The following DYSF variants were observed in gnomAD, a reference collection of about 807,000 sequenced individuals.
DYSF encodes dysferlin, also known as dystrophy-associated fer-1-like 1.
DYSF carries 212 observed loss-of-function variants against 274.9 expected under a neutral mutation model. That is an observed-to-expected ratio of 0.77 (90% CI 0.69 to 0.86). The LOEUF is 0.86. DYSF is among the 40% of genes least tolerant of loss of function. The pLI is 0.00. For missense variants in DYSF, 2,666 were observed against 2,783.2 expected, an observed-to-expected ratio of 0.96 and a Z score of 0.95; for synonymous variants, 1,091 against 1,078.7, an observed-to-expected ratio of 1.01 and a Z score of -0.22.
chr2:71,610,829 C>T (rs1263902687), intron 36 of DYSF: 8 of 298,822 alleles, frequency 2.7e-5, no homozygotes, highest in South Asian at 1.3e-4. Context: ...ACCAGGCTGG[C>T]GGGCAGGCAC....
chr2:71,548,337 A>G (rs560483474), intron 17 of DYSF, among the ~76,000 whole-genome samples: 1 of 152,350 alleles, frequency 6.6e-6, no homozygotes, highest in African/African-American at 2.4e-5. Context: ...CTGCAGTCAC[A>G]GAGCTAGGGG....
chr2:71,662,630 ATGTG>A (rs1181514464), intron 45 of DYSF, among the ~76,000 whole-genome samples: 4 of 65,642 alleles, frequency 6.1e-5, no homozygotes, highest in South Asian at 6.0e-4. Context: ...TCTGTGTGGC[ATGTG>A]TGTATTTTGT....
chr2:71,660,745 T>C, intron 45 of DYSF, 94 bp downstream of exon 45: 1 of 1,099,318 alleles, frequency 9.1e-7, no homozygotes, highest in South Asian at 1.3e-5. Context: ...GTGAAGTCCG[T>C]ATCTCTTGGA....
intron 3 of DYSF, among the ~76,000 whole-genome samples, chr2:71,499,958 C>T (rs929207812): frequency 1.3e-5 from 2 of 152,168 alleles, no homozygotes; most frequent in South Asian, 4.1e-4. Flanking sequence ...CTCCTTGCCT[C>T]ATCTGAGCCT....
chr2:71,500,724 C>T (rs2084895764), intron 3 of DYSF, among the ~76,000 whole-genome samples: 1 of 152,048 alleles, frequency 6.6e-6, no homozygotes, highest in Admixed American at 6.5e-5. Context: ...CCTGAGGGCT[C>T]CTAAGCTGGA....
At chr2:71,613,526 C>T in intron 40 of DYSF, 116 bp downstream of exon 40, 1 of 943,444 alleles carries the variant, frequency 1.1e-6, no homozygotes. Context: ...ACATCCCCTT[C>T]TGGGCTCTGC....
intron 17 of DYSF, among the ~76,000 whole-genome samples, chr2:71,549,611 T>C (rs1457225359): frequency 6.7e-6 from 1 of 149,170 alleles, no homozygotes; most frequent in Non-Finnish European, 1.5e-5. Context: ...TCCTCCCACT[T>C]CCCCCAACCC....
chr2:71,611,374 G>A lies in DYSF; in HGVS notation c.4059+28G>A, dbSNP rs753546942. On this transcript the variant is annotated intron_variant, in intron 37 of 55. Transcript: ENST00000410020. ...GAGCCGTCCGGGCCTGGGCGTGGGG[G>A]CTGGGAGCAGCCTGCCCTTCCCCTT... 8 of 1,613,608 alleles carry A rather than the reference G, an allele frequency of 5.0e-6. No homozygotes were observed. In the Admixed American group the frequency reaches 6.7e-5, roughly 13 times the overall value.
chr2:71,465,226 A>G (rs892460223), upstream of DYSF, among the ~76,000 whole-genome samples: 7 of 152,116 alleles, frequency 4.6e-5, no homozygotes, highest in African/African-American at 1.7e-4. Flanking sequence ...TGAATGGGCG[A>G]GAGGGGATGG....
rs746166073 is a variant in DYSF, at chr2:71,672,376, C to T, written c.5785-1821C>T. Among the ~76,000 whole-genome samples, 12 of 152,174 alleles carry T rather than the reference C, an allele frequency of 7.9e-5. 1 individual carries two copies. The highest frequency in any genetic ancestry group is 2.2e-4 in the African/African-American group (9 of 41,452). On this transcript the variant is annotated intron_variant, in intron 51 of 55. Coordinates refer to ENST00000410020, the MANE Select transcript of DYSF (RefSeq NM_001130987.2). ...GCCTCTGGGCTCCCTGGGCCTGCCA[C>T]GGAGCCAGCCCTCTGCCGTGGGGTT...
intron 53 of DYSF, 89 bp downstream of exon 53, chr2:71,679,324 T>C: frequency 9.9e-6 from 13 of 1,315,196 alleles, no homozygotes; most frequent in Non-Finnish European, 1.4e-5. Context: ...AGAAAATACA[T>C]GCTTACTGTT....
Position 71,667,474 on chromosome 2 carries a change from T to TC in DYSF, c.5417dup (p.Arg1807ThrfsTer60), listed in dbSNP as rs1210643057. 1 of 1,613,878 alleles carries TC rather than the reference T, an allele frequency of 6.2e-7. No homozygotes were observed. The highest frequency in any genetic ancestry group is 1.1e-5 in the South Asian group (1 of 91,066). On this transcript the variant is annotated frameshift_variant, in exon 48 of 56. Coordinates refer to ENST00000410020, the MANE Select transcript of DYSF (RefSeq NM_001130987.2). LOFTEE classifies it high-confidence loss of function. ...GGGCCTGGTCCCGGAGCACGTGGAG[T>TC]CACGGCCCCTCTACAGCCCCCTGCA...
intron 52 of DYSF, among the ~76,000 whole-genome samples, chr2:71,675,957 A>T (rs894020228): frequency 2.0e-5 from 3 of 152,152 alleles, no homozygotes; most frequent in Non-Finnish European, 4.4e-5. Context: ...AAAACCTAAT[A>T]TTCCAAGAAC....
chr2:71,520,868 A>C lies in DYSF; in HGVS notation c.1113A>C (p.Thr371=). The C allele has an allele frequency of 6.2e-7, 1 of 1,614,092 alleles. No individual in the cohort carries two copies. The highest frequency in any genetic ancestry group is 8.5e-7 in the Non-Finnish European group (1 of 1,179,998). ...FSAGARGYLK[T]SLCVLGPGDE... ...CTGGGGCCAGAGGCTACCTGAAAACAAGCCTTTGTGTGCTGGGGCCTGGGG... is the reference window on the plus strand; with the variant it reads ...CTGGGGCCAGAGGCTACCTGAAAACCAGCCTTTGTGTGCTGGGGCCTGGGG... Residue 371 remains threonine (T), a synonymous_variant, in exon 12 of 56, where the codon ACA becomes ACC. Transcript: ENST00000410020.
intron 29 of DYSF, among the ~76,000 whole-genome samples, chr2:71,572,866 G>A (rs1237615026): frequency 6.6e-6 from 1 of 152,206 alleles, no homozygotes; most frequent in African/African-American, 2.4e-5. Context: ...TGAGGGGGCT[G>A]GGGTGGGCCC....
intron 3 of DYSF, among the ~76,000 whole-genome samples, chr2:71,502,777 G>A (rs1261586235): frequency 6.6e-6 from 1 of 152,110 alleles, no homozygotes; most frequent in Non-Finnish European, 1.5e-5. Flanking sequence ...CACTGCCGGC[G>A]GAGCCCTGGG....
At chr2:71,568,878 CT>C (rs1264084886) in intron 26 of DYSF, among the ~76,000 whole-genome samples, 113 of 142,538 alleles carry the variant, frequency 7.9e-4, no homozygotes, top group Middle Eastern at 3.8e-3. Context: ...TATTCTCTCT[CT>C]TTTTTTTTTT....
rs146373851 is a variant in DYSF at position 71,571,038 on chromosome 2, T to C, written c.3228+297T>C. On this transcript the variant is annotated intron_variant, in intron 29 of 55. Coordinates refer to ENST00000410020, the MANE Select transcript of DYSF (RefSeq NM_001130987.2). ...GATCACACTCAGCACACACACAGAT[T>C]ACACCCAGCACACACACAGATCACA... 4.9e-3 allele frequency: 1,356 copies of C among 275,722 alleles called. 10 individuals carry two copies. Among genetic ancestry groups the C allele is most frequent in the African/African-American group, 0.041 (612 of 15,060 alleles). The allele number at this position is 275,722 out of a possible 1,614,324, so 17.1% of individuals were successfully genotyped here.
chr2:71,678,941 G>A, intron 52 of DYSF, 116 bp from the exon 53 acceptor site: 1 of 908,570 alleles, frequency 1.1e-6, no homozygotes, highest in South Asian at 1.4e-5. Flanking sequence ...CTCGGCCATG[G>A]ATAGAAGCTG....
Sources: gnomAD v4.1 joint callset for allele counts (sites outside exome capture counted in the v4.1 genomes callset) on GRCh38, gnomAD v4.1.1 for gene constraint, MANE v1.5 for transcripts, NCBI Gene and HGNC (gene_info 2026-07-23, HGNC 2026-07-21) for gene names.